Variants in RHOJ observed in about 807,000 individuals in gnomAD.
The protein encoded by RHOJ is rho-related GTP-binding protein RhoJ.
Under a neutral mutation model 23.4 loss-of-function variants are expected in RHOJ, and 11 were observed. That is an observed-to-expected ratio of 0.47 (90% CI 0.30 to 0.78). The LOEUF (loss-of-function observed/expected upper bound fraction) is 0.78. Ranked by LOEUF, RHOJ falls within the 30% of genes least tolerant of loss-of-function variation. RHOJ has a pLI of 0.08. For missense variants in RHOJ, 254 were observed against 273.4 expected (o/e 0.93, Z 0.50); for synonymous variants, 102 against 102.7 (o/e 0.99, Z 0.04).
chr14:63,280,596 C>A (rs1265319707), intron 2 of RHOJ, among the ~76,000 whole-genome samples: 1 of 152,002 alleles, frequency 6.6e-6, no homozygotes, highest in Non-Finnish European at 1.5e-5. Flanking sequence ...TAATTTGTTT[C>A]ACTGTAGCAT....
chr14:63,288,221 C>T, intron 4 of RHOJ: 1 of 985,400 alleles, frequency 1.0e-6, no homozygotes, highest in African/African-American at 1.7e-5. Flanking sequence ...AGCTTGGGCT[C>T]CTCCCGCTCC....
chr14:63,225,721 G>A (rs1335371468), intron 1 of RHOJ, among the ~76,000 whole-genome samples: 2 of 152,196 alleles, frequency 1.3e-5, no homozygotes, highest in Non-Finnish European at 2.9e-5. Flanking sequence ...ACAGTGGGAA[G>A]TAGAAAGAAA....
intron 1 of RHOJ, among the ~76,000 whole-genome samples, chr14:63,219,544 G>C (rs950201101): frequency 5.3e-5 from 8 of 152,080 alleles, no homozygotes; most frequent in Non-Finnish European, 1.0e-4. Context: ...CTGGCCGGGC[G>C]TGGTGGCTCA....
At chr14:63,280,864 C>G in intron 2 of RHOJ, 107 bp from the exon 3 acceptor site, 1 of 996,984 alleles carries the variant, frequency 1.0e-6, no homozygotes, top group Non-Finnish European at 1.4e-6. Flanking sequence ...GAGGAAGAAA[C>G]GGGATCCCAG....
chr14:63,205,594 T>C (rs1025725091), intron 1 of RHOJ, among the ~76,000 whole-genome samples: 1 of 152,240 alleles, frequency 6.6e-6, no homozygotes, highest in Admixed American at 6.5e-5. Flanking sequence ...GGAGAGTTTT[T>C]AAAAGGTTTT....
chr14:63,242,080 A>T (rs1468461994), intron 1 of RHOJ, among the ~76,000 whole-genome samples: 5 of 152,162 alleles, frequency 3.3e-5, no homozygotes, highest in Admixed American at 2.0e-4. Flanking sequence ...TTGGCATTCT[A>T]CCTCATAATA....
At chr14:63,214,301 G>A (rs965344786) in intron 1 of RHOJ, among the ~76,000 whole-genome samples, 1 of 152,190 alleles carries the variant, frequency 6.6e-6, no homozygotes, top group South Asian at 2.1e-4. Flanking sequence ...TGACACTGCT[G>A]TTTTAGAGTT....
At chr14:63,264,164 C>T (rs760295099) in intron 1 of RHOJ, among the ~76,000 whole-genome samples, 3 of 152,016 alleles carry the variant, frequency 2.0e-5, no homozygotes, top group Non-Finnish European at 4.4e-5. Context: ...TTCAACCCAT[C>T]CTTCCCTTTC....
chr14:63,288,763 C>A (rs1882161087), intron 4 of RHOJ, among the ~76,000 whole-genome samples: 1 of 152,198 alleles, frequency 6.6e-6, no homozygotes, highest in Non-Finnish European at 1.5e-5. Context: ...ATTCAGTAAC[C>A]ATTCTTGTCA....
At chr14:63,268,300 T>G (rs986711300) in intron 1 of RHOJ, among the ~76,000 whole-genome samples, 1 of 152,232 alleles carries the variant, frequency 6.6e-6, no homozygotes, top group Non-Finnish European at 1.5e-5. Context: ...AATCTCAGTT[T>G]AGTTTCAAGT....
intron 4 of RHOJ, among the ~76,000 whole-genome samples, chr14:63,288,765 T>C (rs1232915276): frequency 6.6e-6 from 1 of 152,242 alleles, no homozygotes; most frequent in African/African-American, 2.4e-5. Flanking sequence ...TCAGTAACCA[T>C]TCTTGTCAGG....
intron 1 of RHOJ, among the ~76,000 whole-genome samples, chr14:63,268,310 T>C (rs118093528): frequency 0.037 from 5,619 of 152,308 alleles, 155 homozygotes; most frequent in Middle Eastern, 0.061. Flanking sequence ...TAGTTTCAAG[T>C]TGAGACTTTC....
chr14:63,236,147 G>A (rs17100880), intron 1 of RHOJ, among the ~76,000 whole-genome samples: 6,418 of 151,962 alleles, frequency 0.042, 488 homozygotes, highest in African/African-American at 0.15. Context: ...TCTCTTTTAC[G>A]GCCAACAAGT....
At chr14:63,226,006 T>C (rs1292146449) in intron 1 of RHOJ, among the ~76,000 whole-genome samples, 2 of 152,134 alleles carry the variant, frequency 1.3e-5, no homozygotes, top group Non-Finnish European at 2.9e-5. Context: ...GTAAAAAAAC[T>C]GCCCAACCTG....
intron 1 of RHOJ, among the ~76,000 whole-genome samples, chr14:63,212,503 T>G (rs946084892): frequency 6.6e-6 from 1 of 152,230 alleles, no homozygotes; most frequent in Non-Finnish European, 1.5e-5. Flanking sequence ...TCATTTGATC[T>G]AAACGTGATT....
At chr14:63,276,991 C>A (rs1881739807) in intron 2 of RHOJ, among the ~76,000 whole-genome samples, 1 of 152,154 alleles carries the variant, frequency 6.6e-6, no homozygotes, top group South Asian at 2.1e-4. Flanking sequence ...AATAGATGAT[C>A]CATCCTGTGG....
At chr14:63,236,922 C>T (rs532270420) in intron 1 of RHOJ, among the ~76,000 whole-genome samples, 7 of 152,174 alleles carry the variant, frequency 4.6e-5, no homozygotes, top group Non-Finnish European at 1.0e-4. Flanking sequence ...CACCTGTATA[C>T]TTTAAATCAT....
intron 1 of RHOJ, among the ~76,000 whole-genome samples, chr14:63,254,358 C>T (rs1895125284): frequency 6.6e-6 from 1 of 152,154 alleles, no homozygotes; most frequent in Admixed American, 6.5e-5. Context: ...CAACTCACTT[C>T]CAGTCCACCA....
At position 63,283,114 on chromosome 14, in the gene RHOJ, T is replaced by C. The variant is rs756010856; in HGVS notation, c.403-7T>C. 2 of 1,610,870 alleles carry C rather than the reference T, an allele frequency of 1.2e-6. No homozygotes were observed. The highest frequency in any genetic ancestry group is 1.7e-5 in the Admixed American group (1 of 60,012). On this transcript the variant is annotated splice_region_variant and splice_polypyrimidine_tract_variant and intron_variant, in intron 3 of 4. Transcript: ENST00000316754. ...CAAATAAGTTTTCACGTGTGTTTTC[T>C]TGCCAGATTGATCTCCGTGATGACC...
Sources: gnomAD v4.1 joint callset for allele counts (sites outside exome capture counted in the v4.1 genomes callset) on GRCh38, gnomAD v4.1.1 for gene constraint, MANE v1.5 for transcripts, NCBI Gene and HGNC (gene_info 2026-07-23, HGNC 2026-07-21) for gene names.